XKR4: variants seen among roughly 807,000 people sequenced by gnomAD.
XKR4 encodes XK-related protein 4.
XKR4 carries 12 observed loss-of-function variants against 53.9 expected under a neutral mutation model. The observed-to-expected ratio is 0.22, with a 90% CI of 0.14 to 0.36. XKR4 has a LOEUF of 0.36. Ranked by LOEUF, XKR4 falls within the 10% of genes least tolerant of loss-of-function variation. The pLI, the probability that XKR4 is intolerant of heterozygous loss-of-function variation, is 1.00. For synonymous variants in XKR4, 354 were observed against 362.4 expected (o/e 0.98, Z 0.26); for missense variants, 799 against 859.5 (o/e 0.93, Z 0.88).
intron 1 of XKR4, among the ~76,000 whole-genome samples, chr8:55,305,511 G>A (rs2129377506): frequency 6.6e-6 from 1 of 151,730 alleles, no homozygotes; most frequent in Middle Eastern, 3.4e-3. Context: ...TGGACTGGAA[G>A]GCAGAAGATT....
At chr8:55,241,244 CA>C (rs1428101150) in intron 1 of XKR4, among the ~76,000 whole-genome samples, 1 of 152,156 alleles carries the variant, frequency 6.6e-6, no homozygotes, top group African/African-American at 2.4e-5. Context: ...ATTTATTGAG[CA>C]ACTTGTATAT....
chr8:55,451,249 G>T lies in XKR4; in HGVS notation c.1007-72032G>T, dbSNP rs1585580054. 6 of 574,936 alleles carry T rather than the reference G, an allele frequency of 1.0e-5. No homozygotes were observed. In the East Asian group the frequency reaches 1.8e-4, roughly 17 times the overall value. 35.6% of individuals were successfully genotyped at this position (574,936 alleles called of 1,614,324 possible). ...ACATTGGCACCAAGCCCACTGCTGC[G>T]CCCACAGGTCCAGACACTGCCCCCA... On this transcript the variant is annotated intron_variant, in intron 2 of 2. Coordinates refer to ENST00000327381, the MANE Select transcript of XKR4 (RefSeq NM_052898.2).
At chr8:55,295,061 A>G (rs1819083115) in intron 1 of XKR4, among the ~76,000 whole-genome samples, 1 of 152,214 alleles carries the variant, frequency 6.6e-6, no homozygotes, top group African/African-American at 2.4e-5. Flanking sequence ...AAAATAATCT[A>G]CAAAAATACG....
intron 1 of XKR4, among the ~76,000 whole-genome samples, chr8:55,325,289 C>T (rs1803276006): frequency 6.6e-6 from 1 of 152,072 alleles, no homozygotes; most frequent in South Asian, 2.1e-4. Flanking sequence ...TATACATTTG[C>T]CTATAGATGT....
intron 1 of XKR4, among the ~76,000 whole-genome samples, chr8:55,241,962 C>T (rs1413895549): frequency 6.6e-6 from 1 of 152,092 alleles, no homozygotes; most frequent in Non-Finnish European, 1.5e-5. Context: ...ATGGGTATAG[C>T]TGTGTTTATA....
chr8:55,329,233 A>G (rs1803346725), intron 1 of XKR4, among the ~76,000 whole-genome samples: 1 of 152,300 alleles, frequency 6.6e-6, no homozygotes. Context: ...AAAAGTTGAG[A>G]AAAAGGGAGA....
intron 2 of XKR4, among the ~76,000 whole-genome samples, chr8:55,445,090 C>G (rs1805325390): frequency 1.3e-5 from 2 of 152,130 alleles, no homozygotes; most frequent in African/African-American, 4.8e-5. Flanking sequence ...CAGAGTCTCC[C>G]TCTGTCGCCC....
intron 2 of XKR4, among the ~76,000 whole-genome samples, chr8:55,372,116 A>G (rs1430281376): frequency 1.3e-5 from 2 of 152,206 alleles, no homozygotes; most frequent in Non-Finnish European, 2.9e-5. Flanking sequence ...GGCTATGGGA[A>G]GAGGAGAGCT....
At chr8:55,141,689 GTC>G (rs1357893247) in intron 1 of XKR4, among the ~76,000 whole-genome samples, 1 of 114,196 alleles carries the variant, frequency 8.8e-6, no homozygotes, top group Non-Finnish European at 2.0e-5. Flanking sequence ...GTGTGTGTGT[GTC>G]TCTCTCTGTG....
At chr8:55,446,960 T>C (rs1464644090) in intron 2 of XKR4, among the ~76,000 whole-genome samples, 4 of 151,796 alleles carry the variant, frequency 2.6e-5, no homozygotes, top group African/African-American at 7.3e-5. Context: ...TTAGAAAAAT[T>C]GGATAGGGAA....
chr8:55,190,643 G>A (rs754409162), intron 1 of XKR4, among the ~76,000 whole-genome samples: 2 of 152,124 alleles, frequency 1.3e-5, no homozygotes, highest in South Asian at 2.1e-4. Flanking sequence ...ATAAAAATAA[G>A]GGAATAAAAA....
At chr8:55,432,329 A>G (rs1471405346) in intron 2 of XKR4, among the ~76,000 whole-genome samples, 1 of 152,218 alleles carries the variant, frequency 6.6e-6, no homozygotes, top group African/African-American at 2.4e-5. Flanking sequence ...GGGCAATTGT[A>G]GCACTTACCT....
chr8:55,541,226 G>A lies in XKR4; in HGVS notation c.*16999G>A, dbSNP rs1807096118. 1.3e-5 allele frequency: 2 copies of A among 152,104 alleles called. No individual in the cohort carries two copies. Among genetic ancestry groups the A allele is most frequent in the African/African-American group, 4.8e-5 (2 of 41,432 alleles). The allele number at this position is 152,104 out of a possible 1,614,324, so 9.4% of individuals were successfully genotyped here. A position where few individuals can be genotyped will look rare whatever the true frequency, so the allele number is the denominator to read the frequency against. ...GGTGCAAAGCAATTTTCAAAAATTT[G>A]TACATGATATACACCACCCAACCTC... On this transcript the variant is annotated 3_prime_UTR_variant, in exon 3 of 3. Coordinates refer to ENST00000327381, the MANE Select transcript of XKR4 (RefSeq NM_052898.2).
intron 1 of XKR4, among the ~76,000 whole-genome samples, chr8:55,113,374 C>G (rs980101397): frequency 2.8e-4 from 43 of 152,136 alleles, no homozygotes; most frequent in African/African-American, 1.0e-3. Context: ...TTTTATTCCA[C>G]AATCAGAGAG....
chr8:55,292,602 G>A lies in XKR4; in HGVS notation c.807-65076G>A, dbSNP rs370369011. Reference sequence around the variant, plus strand: ...TAATCTTTTCAAAAAACAAGCAATTGGTTGCTCTATTTTACTGTTTTTTAA... The same window carrying A: ...TAATCTTTTCAAAAAACAAGCAATTAGTTGCTCTATTTTACTGTTTTTTAA... On this transcript the variant is annotated intron_variant, in intron 1 of 2. Transcript: ENST00000327381. 1.5e-4 allele frequency among the ~76,000 whole-genome samples: 23 copies of A among 151,938 alleles called. No individual in the cohort carries two copies. The Middle Eastern group carries it at 0.01, about 67-fold the overall frequency.
chr8:55,464,974 G>T (rs547276497), intron 2 of XKR4, among the ~76,000 whole-genome samples: 11 of 151,110 alleles, frequency 7.3e-5, no homozygotes, highest in Non-Finnish European at 1.5e-4. Context: ...CCACTGCTCA[G>T]TGAAATAAAA....
In XKR4 at chr8:55,363,752, A is replaced by G. The variant is rs556397358; in HGVS notation, c.1006+5875A>G. Among the ~76,000 whole-genome samples the G allele has an allele frequency of 2.3e-4, 35 of 152,244 alleles. 1 individual carries two copies. The South Asian group carries it at 7.1e-3, about 31-fold the overall frequency. On this transcript the variant is annotated intron_variant, in intron 2 of 2. Transcript: ENST00000327381. ...GCTTGCCCCTACCTCTGGATTCTGC[A>G]GAGGGGGAAGAGTGCAGGCGAGAGT...
chr8:55,234,750 C>G (rs550368475), intron 1 of XKR4, among the ~76,000 whole-genome samples: 1 of 152,268 alleles, frequency 6.6e-6, no homozygotes, highest in African/African-American at 2.4e-5. Flanking sequence ...AATGGCTCAT[C>G]ATCAAGAATA....
intron 2 of XKR4, among the ~76,000 whole-genome samples, chr8:55,428,598 A>T (rs778752236): frequency 2.6e-5 from 4 of 152,196 alleles, no homozygotes; most frequent in Non-Finnish European, 1.5e-5. Context: ...CATCCCTGCT[A>T]GGCAGCGAGT....
Sources: allele counts gnomAD v4.1 joint callset (sites outside exome capture counted in the v4.1 genomes callset), GRCh38; gene constraint gnomAD v4.1.1; transcripts MANE v1.5; gene names NCBI Gene and HGNC (gene_info 2026-07-23, HGNC 2026-07-21).